The following ZNF710 variants were observed in gnomAD, a reference collection of about 807,000 sequenced individuals.
ZNF710 encodes zinc finger protein 710.
ZNF710 carries 13 observed loss-of-function variants against 50.6 expected under a neutral mutation model. The ratio of observed to expected loss-of-function variants is 0.26; its 90% confidence interval spans 0.17 to 0.41. ZNF710 has a LOEUF of 0.41. Among genes scored for constraint, ZNF710 ranks in the 10% least tolerant of loss-of-function variants. ZNF710 has a pLI of 1.00. For synonymous variants in ZNF710, 383 were observed against 397.0 expected, an observed-to-expected ratio of 0.96 and a Z score of 0.42; for missense variants, 721 against 936.6, an observed-to-expected ratio of 0.77 and a Z score of 3.01.
At chr15:90,020,553 C>A (rs1898585846) in intron 1 of ZNF710, among the ~76,000 whole-genome samples, 1 of 152,196 alleles carries the variant, frequency 6.6e-6, no homozygotes, top group African/African-American at 2.4e-5. Flanking sequence ...AAACACAAAC[C>A]CCAGCCCCTT....
chr15:90,030,742 C>T (rs953008645), intron 1 of ZNF710, among the ~76,000 whole-genome samples: 7 of 151,854 alleles, frequency 4.6e-5, no homozygotes, highest in Non-Finnish European at 7.4e-5. Context: ...ATTGGCTGGG[C>T]GCGGTGGCTC....
At chr15:90,066,757 T>G (rs1021339474) in intron 1 of ZNF710, among the ~76,000 whole-genome samples, 1 of 152,154 alleles carries the variant, frequency 6.6e-6, no homozygotes, top group Admixed American at 6.6e-5. Flanking sequence ...GGATTACAGA[T>G]GTGAGCCACC....
chr15:90,050,894 C>T (rs924828876), intron 1 of ZNF710, among the ~76,000 whole-genome samples: 1 of 152,052 alleles, frequency 6.6e-6, no homozygotes, highest in African/African-American at 2.4e-5. Flanking sequence ...ATCTTTGTGC[C>T]TCACCAGCAC....
chr15:90,042,348 C>G, intron 1 of ZNF710, among the ~76,000 whole-genome samples: 1 of 151,794 alleles, frequency 6.6e-6, no homozygotes, highest in East Asian at 1.9e-4. Flanking sequence ...CATTGTGTCT[C>G]CCCCCCACCC....
intron 1 of ZNF710, among the ~76,000 whole-genome samples, chr15:90,030,662 C>A (rs1376367782): frequency 4.6e-5 from 7 of 151,786 alleles, no homozygotes; most frequent in Admixed American, 3.3e-4. Flanking sequence ...ACAGGGCAGT[C>A]ACATATGCCC....
chr15:90,038,323 A>G (rs1237066022), intron 1 of ZNF710, among the ~76,000 whole-genome samples: 2 of 152,234 alleles, frequency 1.3e-5, no homozygotes, highest in African/African-American at 4.8e-5. Context: ...CTTTAGTTTG[A>G]AATTTTCAAA....
intron 1 of ZNF710, among the ~76,000 whole-genome samples, chr15:90,026,269 C>CAAA (rs777122257): frequency 2.5e-5 from 3 of 119,170 alleles, no homozygotes; most frequent in Admixed American, 1.8e-4. Context: ...ACAACAACAA[C>CAAA]AAAAAAAAAA....
chr15:90,012,926 CA>C (rs1898354281), intron 1 of ZNF710, among the ~76,000 whole-genome samples: 1 of 151,998 alleles, frequency 6.6e-6, no homozygotes. Flanking sequence ...TTTAATTCCT[CA>C]CTTTATTTCT....
intron 1 of ZNF710, among the ~76,000 whole-genome samples, chr15:90,050,200 G>A (rs1899596618): frequency 6.6e-6 from 1 of 152,244 alleles, no homozygotes; most frequent in East Asian, 1.9e-4. Context: ...CGAGCTGGGT[G>A]TGTGGGTGAC....
chr15:90,042,277 CCAGCGAAATAA>C (rs1899320480), intron 1 of ZNF710, among the ~76,000 whole-genome samples: 1 of 152,018 alleles, frequency 6.6e-6, no homozygotes, highest in Non-Finnish European at 1.5e-5. Flanking sequence ...GGGGCCTGTT[CCAGCGAAATAA>C]CAGCCTTTTC....
intron 1 of ZNF710, among the ~76,000 whole-genome samples, chr15:90,014,695 A>G (rs903258105): frequency 6.6e-6 from 1 of 152,126 alleles, no homozygotes; most frequent in African/African-American, 2.4e-5. Flanking sequence ...AGAAGTCATA[A>G]GAGAAAAAAT....
upstream of ZNF710, among the ~76,000 whole-genome samples, chr15:89,999,992 C>T (rs1357748012): frequency 1.3e-5 from 2 of 151,974 alleles, no homozygotes; most frequent in African/African-American, 2.4e-5. Context: ...GGTCCTGAGC[C>T]GCAGCTTCCC....
chr15:90,067,459 A>G lies in ZNF710; in HGVS notation c.322A>G (p.Lys108Glu). The change falls in exon 2 of 5, where the codon AAG (lysine) becomes GAG (glutamate). Residue 108 changes from lysine (K) to glutamate (E), a missense_variant. Around this residue, in one of 3 missense-constraint regions of ZNF710, gnomAD observed 326 missense variants for 347.1 expected, o/e 0.94. Coordinates refer to ENST00000268154, the MANE Select transcript of ZNF710 (RefSeq NM_198526.4). The surrounding 1 kb of genome is among the most constrained non-coding windows in gnomAD (Gnocchi z 8.1). ...GCGGCCACCTGTGCGGTTGGTGCCC[A>G]AGGTCAAGTTCGAGAAGGTGGAGGA... ...KTRPPVRLVPKVKFEKVEEEE... is the reference protein window; with the variant it reads ...KTRPPVRLVPEVKFEKVEEEE... The G allele has an allele frequency of 6.2e-7, 1 of 1,612,176 alleles. No individual in the cohort carries two copies. Among genetic ancestry groups the G allele is most frequent in the Non-Finnish European group, 8.5e-7 (1 of 1,179,088 alleles).
At chr15:90,025,795 T>G (rs1341699667) in intron 1 of ZNF710, 1 of 152,206 alleles carries the variant, frequency 6.6e-6, no homozygotes, top group Admixed American at 6.5e-5. Flanking sequence ...CGCCAAAATA[T>G]TGTAAATTTA....
chr15:90,070,459 C>T (rs1333660356), intron 2 of ZNF710, among the ~76,000 whole-genome samples: 3 of 151,660 alleles, frequency 2.0e-5, no homozygotes, highest in Non-Finnish European at 4.4e-5. Flanking sequence ...ATCACTTGAG[C>T]CCAGGAGTTT....
At chr15:90,061,280 C>T (rs1899999924) in intron 1 of ZNF710, among the ~76,000 whole-genome samples, 1 of 152,164 alleles carries the variant, frequency 6.6e-6, no homozygotes, top group Non-Finnish European at 1.5e-5. Context: ...AAGCGATTCT[C>T]CTGCCTCAGC....
At chr15:90,025,345 G>A (rs775331626) in intron 1 of ZNF710, 2 of 152,106 alleles carry the variant, frequency 1.3e-5, no homozygotes, top group Non-Finnish European at 2.9e-5. Flanking sequence ...GCATGTCTGT[G>A]ACCAAACCTT....
intron 4 of ZNF710, among the ~76,000 whole-genome samples, chr15:90,077,317 C>T (rs534510280): frequency 1.4e-5 from 2 of 146,124 alleles, no homozygotes; most frequent in Non-Finnish European, 3.0e-5. Context: ...GATCTCGGCT[C>T]ACTGCAAGCT....
intron 1 of ZNF710, among the ~76,000 whole-genome samples, chr15:90,063,712 G>C (rs74405034): frequency 0.01 from 1,529 of 152,258 alleles, 15 homozygotes; most frequent in Middle Eastern, 0.014. Flanking sequence ...GGTTACCCTT[G>C]CTGTAGGGAA....
Sources: gnomAD v4.1 joint callset for allele counts (sites outside exome capture counted in the v4.1 genomes callset) on GRCh38, gnomAD v4.1.1 for gene constraint, gnomAD v4.1.1 regional missense constraint, Gnocchi (gnomAD v3.1) non-coding constraint, MANE v1.5 for transcripts, NCBI Gene and HGNC (gene_info 2026-07-23, HGNC 2026-07-21) for gene names.